NCL: variants seen among roughly 807,000 people sequenced by gnomAD.
The protein encoded by NCL is nucleolin multifunctional protein.
In NCL, 4 loss-of-function variants were observed where a neutral mutation model predicts 77.7. The observed-to-expected ratio is 0.05, with a 90% confidence interval of 0.03 to 0.12. The LOEUF (loss-of-function observed/expected upper bound fraction) is 0.12, where lower values mean the gene tolerates loss of function less well. Among genes scored for constraint, NCL ranks in the 10% least tolerant of loss-of-function variants. The pLI, the probability that NCL is intolerant of heterozygous loss-of-function variation, is 1.00. For missense variants in NCL, 763 were observed against 860.9 expected, an observed-to-expected ratio of 0.89 and a Z score of 1.42; for synonymous variants, 344 against 297.8, an observed-to-expected ratio of 1.16 and a Z score of -1.60.
At chr2:231,462,821 C>A (rs1264459276) in intron 2 of NCL, among the ~76,000 whole-genome samples, 1 of 152,036 alleles carries the variant, frequency 6.6e-6, no homozygotes, top group African/African-American at 2.4e-5. Context: ...GAATGGAGAC[C>A]AATTAATTTT....
Position 231,454,549 on chromosome 2 carries a change from C to G in NCL, c.*642G>C, listed in dbSNP as rs551295678. On this transcript the variant is annotated 3_prime_UTR_variant, in exon 14 of 14. Coordinates refer to ENST00000322723, the MANE Select transcript of NCL (RefSeq NM_005381.3). ...TCAGACCTGCTAAAAGTAGGAGAAGCTGCAGCAGCCTTCAAGTCAGCACCA... is the reference window on the plus strand; with the variant it reads ...TCAGACCTGCTAAAAGTAGGAGAAGGTGCAGCAGCCTTCAAGTCAGCACCA... The G allele has an allele frequency of 6.5e-6, 1 of 152,850 alleles. No homozygotes were observed. The highest frequency in any genetic ancestry group is 1.9e-4 in the East Asian group (1 of 5,204). 9.5% of individuals were successfully genotyped at this position (152,850 alleles called of 1,614,324 possible).
chr2:231,456,537 CAGT>C, intron 11 of NCL, 91 bp downstream of exon 11: 1 of 1,546,242 alleles, frequency 6.5e-7, no homozygotes, highest in Middle Eastern at 1.7e-4. Flanking sequence ...ATTGTTCACT[CAGT>C]AGCAACAGGA....
chr2:231,460,080 G>C, intron 6 of NCL, 72 bp downstream of exon 6: 1 of 1,477,956 alleles, frequency 6.8e-7, no homozygotes, highest in Non-Finnish European at 9.2e-7. Flanking sequence ...GCAGGCTAAA[G>C]TAACTGTGCT....
In NCL at chr2:231,460,584, A is replaced by G; in HGVS notation, c.812-20T>C. 6.2e-7 allele frequency: 1 copy of G among 1,614,204 alleles called. No homozygotes were observed. The highest frequency in any genetic ancestry group is 8.5e-7 in the Non-Finnish European group (1 of 1,180,040). ...CAGGCTCTGGACAAGATGTCAAACA[A>G]TGTATCACACATCAGTAGCCACAAA... On this transcript the variant is annotated intron_variant, in intron 4 of 13. Transcript: ENST00000322723.
In NCL at chr2:231,454,846, CAA is replaced by C. The variant is rs201409564; in HGVS notation, c.*343_*344del. Reference sequence around the variant, plus strand: ...CTTTTCTTTTACAACCCCACGAACGCAAAAAAAAAAAAAACAAAAACAAAACA... The same window carrying C: ...CTTTTCTTTTACAACCCCACGAACGCAAAAAAAAAAAACAAAAACAAAACA... On this transcript the variant is annotated 3_prime_UTR_variant, in exon 14 of 14. Coordinates refer to ENST00000322723, the MANE Select transcript of NCL (RefSeq NM_005381.3). 2.7e-3 allele frequency: 259 copies of C among 96,824 alleles called. No homozygotes were observed. Among genetic ancestry groups the C allele is most frequent in the Middle Eastern group, 5.5e-3 (1 of 182 alleles). The allele number at this position is 96,824 out of a possible 1,614,324, so 6.0% of individuals were successfully genotyped here.
At chr2:231,456,810 C>T (rs1336215915) in intron 10 of NCL, 46 bp from the exon 11 acceptor site, 6 of 1,608,412 alleles carry the variant, frequency 3.7e-6, no homozygotes, top group Non-Finnish European at 5.1e-6. Context: ...CAGGCACATG[C>T]TCCTTCACTG....
chr2:231,458,305 G>A lies in NCL; in HGVS notation c.1250C>T (p.Ala417Val), dbSNP rs148736179. The A allele has an allele frequency of 3.5e-5, 57 of 1,613,828 alleles. No individual in the cohort carries two copies. The Middle Eastern group carries it at 4.9e-4, about 14-fold the overall frequency. Residue 417 changes from alanine to valine, a missense_variant, in exon 8 of 14, where the codon GCG (alanine) becomes GTG (valine). Coordinates refer to ENST00000322723, the MANE Select transcript of NCL (RefSeq NM_005381.3). The part of the protein sequence containing the change: ...DELKEVFEDA[A>V]EIRLVSKDGK... ...ATCCTTGCTGACTAATCTGATCTCC[G>A]CAGCATCTTCAAACACTTCTTTCAA...
At chr2:231,455,911 G>A in intron 12 of NCL, 99 bp downstream of exon 12, 2 of 1,574,864 alleles carry the variant, frequency 1.3e-6, no homozygotes, top group Non-Finnish European at 8.7e-7. Flanking sequence ...GCCACTGATA[G>A]ACAGAAAGGA....
rs767563493 is a variant in NCL, at chr2:231,455,058, G to A, written c.*133C>T. 33 of 941,690 alleles carry A rather than the reference G, an allele frequency of 3.5e-5. No individual in the cohort carries two copies. Among genetic ancestry groups the A allele is most frequent in the Non-Finnish European group, 4.6e-5 (28 of 610,896 alleles). 58.3% of individuals were successfully genotyped at this position (941,690 alleles called of 1,614,324 possible). A position where few individuals can be genotyped will look rare whatever the true frequency, so the allele number is the denominator to read the frequency against. On this transcript the variant is annotated 3_prime_UTR_variant, in exon 14 of 14. Transcript: ENST00000322723. The stretch of plus-strand genomic sequence containing the variant: ...ATTGCCCTTGAAATGTTAACTAGAC[G>A]GATTTCCAAGGAGACCACAGGACTG...
chr2:231,461,938 A>T lies in NCL; in HGVS notation c.215T>A (p.Val72Asp). 1 of 1,614,192 alleles carries T rather than the reference A, an allele frequency of 6.2e-7. No homozygotes were observed. The highest frequency in any genetic ancestry group is 8.5e-7 in the Non-Finnish European group (1 of 1,180,040). The change falls in exon 3 of 14, where the codon GTT becomes GAT. Residue 72 changes from valine to aspartate, a missense_variant. Val to Asp is a radical substitution (Grantham distance 152). Coordinates refer to ENST00000322723, the MANE Select transcript of NCL (RefSeq NM_005381.3). Reference sequence around the variant, plus strand: ...TTTCTTGGCTGGTGTGGCAACTGCAACCTTTTTTGTTGGGGAAACGACCAC... The same window carrying T: ...TTTCTTGGCTGGTGTGGCAACTGCATCCTTTTTTGTTGGGGAAACGACCAC... ...KKVVVSPTKK[V>D]AVATPAKKAA...
chr2:231,455,095 G>A lies in NCL; in HGVS notation c.*96C>T. ...AGACCACAGGACTGTATACTGTCTT[G>A]GAATGTCCTCAGAAGGCTCTGTCAT... On this transcript the variant is annotated 3_prime_UTR_variant, in exon 14 of 14. Coordinates refer to ENST00000322723, the MANE Select transcript of NCL (RefSeq NM_005381.3). 1 of 1,352,622 alleles carries A rather than the reference G, an allele frequency of 7.4e-7. No individual in the cohort carries two copies. Among genetic ancestry groups the A allele is most frequent in the Non-Finnish European group, 1.1e-6 (1 of 949,708 alleles). 83.8% of individuals were successfully genotyped at this position (1,352,622 alleles called of 1,614,324 possible).
At chr2:231,455,934 G>A in intron 12 of NCL, 76 bp downstream of exon 12, 1 of 1,605,878 alleles carries the variant, frequency 6.2e-7, no homozygotes, top group Non-Finnish European at 8.5e-7. Context: ...TCAATGAGAA[G>A]ACACATTAGA....
rs2125631534 is a variant in NCL at position 231,453,707 on chromosome 2, C to G, written c.*1484G>C. The stretch of plus-strand genomic sequence containing the variant: ...TGAGGGTCTTGGAACTGGATTGTCA[C>G]CACCCCCATCCCCTGGACATGGAAC... On this transcript the variant is annotated 3_prime_UTR_variant, in exon 14 of 14. Transcript: ENST00000322723. 1 of 153,160 alleles carries G rather than the reference C, an allele frequency of 6.5e-6. No individual in the cohort carries two copies. Among genetic ancestry groups the G allele is most frequent in the South Asian group, 2.1e-4 (1 of 4,848 alleles). The allele number at this position is 153,160 out of a possible 1,614,324, so 9.5% of individuals were successfully genotyped here.
At chr2:231,458,936 C>T (rs1419462792) in intron 7 of NCL, 65 bp downstream of exon 7, 5 of 1,415,010 alleles carry the variant, frequency 3.5e-6, no homozygotes, top group Non-Finnish European at 4.7e-6. Flanking sequence ...AAATGGGTTA[C>T]AAAGCATTTT....
At chr2:231,462,547 G>T (rs781644107) in intron 2 of NCL, 6 of 515,720 alleles carry the variant, frequency 1.2e-5, no homozygotes, top group African/African-American at 1.2e-4. Flanking sequence ...GAGTGTGCAT[G>T]GTAGTTTGAT....
chr2:231,457,775 C>G lies in NCL; in HGVS notation c.1315G>C (p.Glu439Gln). The change falls in exon 9 of 14, where the codon GAA (glutamate) becomes CAA (glutamine). Residue 439 changes from glutamate to glutamine, a missense_variant. This residue lies in a region of NCL where 590 missense variants were observed against 570.5 expected (regional missense o/e 1.03). Transcript: ENST00000322723. ...KGIAYIEFKT[E>Q]ADAEKTFEEK... ...TCAAAGGTTTTCTCTGCATCAGCTT[C>G]TGTCTTAAATTCAATATAAGCAATC... 1 of 1,611,530 alleles carries G rather than the reference C, an allele frequency of 6.2e-7. No individual in the cohort carries two copies. Among genetic ancestry groups the G allele is most frequent in the Non-Finnish European group, 8.5e-7 (1 of 1,178,850 alleles).
chr2:231,456,153 A>AT lies in NCL; in HGVS notation c.1706-18_1706-17insA, dbSNP rs2046885721. 1 of 1,613,340 alleles carries AT rather than the reference A, an allele frequency of 6.2e-7. No individual in the cohort carries two copies. The highest frequency in any genetic ancestry group is 8.5e-7 in the Non-Finnish European group (1 of 1,179,844). ...TGGATGGCTCTGGGAAGGAAAAAAA[A>AT]ATGTGACTTTATGTGAAGTCACAGT... On this transcript the variant is annotated splice_polypyrimidine_tract_variant and intron_variant, in intron 11 of 13. Transcript: ENST00000322723.
chr2:231,463,101 T>C (rs2046967503), intron 2 of NCL, 99 bp downstream of exon 2: 2 of 858,698 alleles, frequency 2.3e-6, no homozygotes, highest in South Asian at 3.3e-5. Flanking sequence ...AAGACATACC[T>C]GAATAAAATC....
chr2:231,459,923 C>A (rs1247924710), intron 6 of NCL, among the ~76,000 whole-genome samples: 4 of 151,516 alleles, frequency 2.6e-5, no homozygotes, highest in Non-Finnish European at 4.4e-5. Flanking sequence ...ACAAAAACAA[C>A]AAAAAAACTT....
Sources: gnomAD v4.1 joint callset for allele counts (sites outside exome capture counted in the v4.1 genomes callset) on GRCh38, gnomAD v4.1.1 for gene constraint, gnomAD v4.1.1 regional missense constraint, MANE v1.5 for transcripts, NCBI Gene and HGNC (gene_info 2026-07-23, HGNC 2026-07-21) for gene names.